Variants in CUX1 observed in about 807,000 individuals in gnomAD.
CUX1 encodes the protein protein CASP.
In CUX1, 31 loss-of-function variants were observed where a neutral mutation model predicts 158.8. The ratio of observed to expected loss-of-function variants is 0.20; its 90% CI spans 0.15 to 0.26. The LOEUF (loss-of-function observed/expected upper bound fraction) is 0.26. Among genes scored for constraint, CUX1 ranks in the 10% least tolerant of loss-of-function variants. CUX1 has a pLI of 1.00. For synonymous variants in CUX1, 879 were observed against 862.1 expected, an observed-to-expected ratio of 1.02 and a Z score of -0.34; for missense variants, 1,589 against 2,014.6, an observed-to-expected ratio of 0.79 and a Z score of 4.04.
Position 102,256,866 on chromosome 7 carries a change from T to G in CUX1, c.*7824T>G. On this transcript the variant is annotated 3_prime_UTR_variant, in exon 24 of 24. Transcript: ENST00000292535. ...ATGGGTTGATACGTTTTGGTTGGTT[T>G]TTTGTTGTTGTTTTTCTTGCGTACA... is the stretch of plus-strand genomic sequence containing the variant. 6 of 985,412 alleles carry G rather than the reference T, an allele frequency of 6.1e-6. No homozygotes were observed. The highest frequency in any genetic ancestry group is 7.2e-6 in the Non-Finnish European group (6 of 829,898). The allele number at this position is 985,412 out of a possible 1,614,324, so 61.0% of individuals were successfully genotyped here.
chr7:102,102,923 G>T (rs1829935689), intron 5 of CUX1, among the ~76,000 whole-genome samples: 1 of 151,378 alleles, frequency 6.6e-6, no homozygotes, highest in African/African-American at 2.4e-5. Flanking sequence ...ATGCGGAGTG[G>T]CATAGGCGTA....
chr7:102,272,319 G>A (rs1443250769), intron 14 of CUX1, among the ~76,000 whole-genome samples: 2 of 152,230 alleles, frequency 1.3e-5, no homozygotes, highest in Non-Finnish European at 2.9e-5. Flanking sequence ...AGTCAGGGAT[G>A]AGTCCACGGA....
intron 3 of CUX1, among the ~76,000 whole-genome samples, chr7:102,054,855 C>T: frequency 6.6e-6 from 1 of 152,002 alleles, no homozygotes. Context: ...CCTGTAGTCT[C>T]AGTTACTCCG....
chr7:102,020,855 G>C (rs1819249477), intron 2 of CUX1, among the ~76,000 whole-genome samples: 1 of 151,734 alleles, frequency 6.6e-6, no homozygotes, highest in Non-Finnish European at 1.5e-5. Flanking sequence ...ACTCCAGCCT[G>C]GGTGACAAGA....
chr7:102,057,824 G>A (rs772482526), intron 3 of CUX1, among the ~76,000 whole-genome samples: 1 of 152,198 alleles, frequency 6.6e-6, no homozygotes, highest in Non-Finnish European at 1.5e-5. Flanking sequence ...CATAAACTGA[G>A]TTGATAAAGC....
At chr7:102,163,623 C>T (rs1380778270) in intron 9 of CUX1, among the ~76,000 whole-genome samples, 1 of 152,162 alleles carries the variant, frequency 6.6e-6, no homozygotes, top group Admixed American at 6.5e-5. Flanking sequence ...GTGGAAAGAC[C>T]AGAAGCCAGG....
intron 10 of CUX1, among the ~76,000 whole-genome samples, chr7:102,172,673 C>T (rs1791862024): frequency 6.6e-6 from 1 of 152,202 alleles, no homozygotes; most frequent in African/African-American, 2.4e-5. Context: ...CAGACTGTGG[C>T]TTTTAAATTA....
rs1366119366 is a variant in CUX1 at position 102,232,824 on chromosome 7, G to C, written c.3434-1228G>C. On this transcript the variant is annotated intron_variant, in intron 21 of 23. Transcript: ENST00000292535. ...CTGCCTGGGAGAAGAAAAGGTATCA[G>C]GAAAGGGGTTTTGATCCACTTCCAG... Among the ~76,000 whole-genome samples, 2 of 152,188 alleles carry C rather than the reference G, an allele frequency of 1.3e-5. 1 individual carries two copies. Among genetic ancestry groups the C allele is most frequent in the African/African-American group, 4.8e-5 (2 of 41,442 alleles).
chr7:102,203,810 C>G (rs1795688751), intron 18 of CUX1, among the ~76,000 whole-genome samples: 1 of 152,138 alleles, frequency 6.6e-6, no homozygotes, highest in Non-Finnish European at 1.5e-5. Flanking sequence ...ACTCGGCAAT[C>G]ATCTGCGGCG....
chr7:102,134,262 G>C (rs782147059), intron 8 of CUX1, among the ~76,000 whole-genome samples: 1 of 152,118 alleles, frequency 6.6e-6, no homozygotes, highest in Non-Finnish European at 1.5e-5. Context: ...GCTTGAACCC[G>C]GGAGGTGGAG....
At chr7:101,836,983 G>T (rs1289268823) in intron 1 of CUX1, among the ~76,000 whole-genome samples, 2 of 152,172 alleles carry the variant, frequency 1.3e-5, no homozygotes, top group African/African-American at 2.4e-5. Context: ...CTGTGGCCTG[G>T]GAAAGTCAAA....
chr7:102,191,038 G>A (rs1380103435), intron 12 of CUX1, among the ~76,000 whole-genome samples: 2 of 152,062 alleles, frequency 1.3e-5, no homozygotes, highest in Non-Finnish European at 2.9e-5. Context: ...TCACTTCCAT[G>A]ACCAGCTGCC....
At chr7:101,924,114 C>T (rs182261907) in intron 2 of CUX1, among the ~76,000 whole-genome samples, 49 of 151,976 alleles carry the variant, frequency 3.2e-4, no homozygotes, top group African/African-American at 1.0e-3. Context: ...GCACTGTGTG[C>T]GGGGTAAGCC....
chr7:101,872,742 AT>A (rs201240702), intron 1 of CUX1, among the ~76,000 whole-genome samples: 21 of 151,576 alleles, frequency 1.4e-4, no homozygotes, highest in African/African-American at 4.4e-4. Flanking sequence ...AGATGAGGGT[AT>A]TTTTTCCCCC....
chr7:102,011,195 G>T (rs552861717), intron 2 of CUX1, among the ~76,000 whole-genome samples: 2 of 152,048 alleles, frequency 1.3e-5, no homozygotes, highest in East Asian at 3.9e-4. Flanking sequence ...ATATATCATT[G>T]TATGGTGTAT....
At chr7:102,186,196 C>T (rs1793601415) in intron 11 of CUX1, among the ~76,000 whole-genome samples, 1 of 152,156 alleles carries the variant, frequency 6.6e-6, no homozygotes, top group South Asian at 2.1e-4. Flanking sequence ...TCAATGGGAG[C>T]CCTGCGTCTG....
At chr7:102,046,890 T>C (rs111395062) in intron 3 of CUX1, among the ~76,000 whole-genome samples, 1,657 of 152,214 alleles carry the variant, frequency 0.011, 33 homozygotes, top group African/African-American at 0.038. Flanking sequence ...TCACTTCTGT[T>C]CTTGACAGCT....
chr7:102,249,895 ACT>A lies in CUX1; in HGVS notation c.*856_*857del, dbSNP rs571504547. 2.6e-5 allele frequency: 26 copies of A among 985,582 alleles called. No individual in the cohort carries two copies. The South Asian group carries it at 3.8e-4, about 14-fold the overall frequency. 61.1% of individuals were successfully genotyped at this position (985,582 alleles called of 1,614,324 possible). On this transcript the variant is annotated 3_prime_UTR_variant, in exon 24 of 24. Coordinates refer to ENST00000292535, the MANE Select transcript of CUX1 (RefSeq NM_181552.4). ...CAAAAAGAAAACGTCACATCAGGAA[ACT>A]CTGATTTTGTGGTAGCTGACATAGT...
chr7:102,203,003 G>C (rs1164104892), intron 18 of CUX1, among the ~76,000 whole-genome samples: 1 of 152,152 alleles, frequency 6.6e-6, no homozygotes, highest in South Asian at 2.1e-4. Flanking sequence ...GTCTCACTCT[G>C]TCGCCCATGC....
Sources: allele counts gnomAD v4.1 joint callset (sites outside exome capture counted in the v4.1 genomes callset), GRCh38; gene constraint gnomAD v4.1.1; transcripts MANE v1.5; gene names NCBI Gene and HGNC (gene_info 2026-07-23, HGNC 2026-07-21).